Variants in SNTG1 observed in about 807,000 individuals in gnomAD.
SNTG1 encodes syntrophin gamma 1.
SNTG1 carries 39 observed loss-of-function variants against 74.7 expected under a neutral mutation model. The ratio of observed to expected loss-of-function variants is 0.52; its 90% CI spans 0.40 to 0.68. The LOEUF (loss-of-function observed/expected upper bound fraction) is 0.68. Among genes scored for constraint, SNTG1 ranks in the 30% least tolerant of loss-of-function variants. The probability of loss-of-function intolerance (pLI) is 0.00; values close to 1 mark genes in which losing one functional copy is unlikely to be tolerated. For synonymous variants in SNTG1, 254 were observed against 217.1 expected, an observed-to-expected ratio of 1.17 and a Z score of -1.49; for missense variants, 685 against 609.5, an observed-to-expected ratio of 1.12 and a Z score of -1.30.
chr8:50,159,057 G>A (rs180987908), intron 1 of SNTG1, among the ~76,000 whole-genome samples: 1 of 152,224 alleles, frequency 6.6e-6, no homozygotes, highest in East Asian at 1.9e-4. Flanking sequence ...CTGATAACTA[G>A]TGGGCGTTGA....
At chr8:50,256,413 A>G (rs1485054907) in intron 2 of SNTG1, among the ~76,000 whole-genome samples, 1 of 151,836 alleles carries the variant, frequency 6.6e-6, no homozygotes, top group Non-Finnish European at 1.5e-5. Context: ...AATATATTAA[A>G]TATTTAAGCC....
chr8:50,548,317 A>G (rs1363886116), intron 11 of SNTG1, among the ~76,000 whole-genome samples: 1 of 152,190 alleles, frequency 6.6e-6, no homozygotes, highest in African/African-American at 2.4e-5. Context: ...GATCCTGGAT[A>G]GATATATGAA....
intron 8 of SNTG1, among the ~76,000 whole-genome samples, chr8:50,498,789 G>T (rs1272104598): frequency 6.6e-6 from 1 of 151,754 alleles, no homozygotes; most frequent in African/African-American, 2.4e-5. Context: ...ATAGCTCAAA[G>T]CTCCTTTTCT....
At chr8:50,607,843 G>A (rs542056792) in intron 13 of SNTG1, among the ~76,000 whole-genome samples, 2 of 151,440 alleles carry the variant, frequency 1.3e-5, no homozygotes, top group African/African-American at 4.8e-5. Context: ...ATGTTTTAAA[G>A]GTATGAATTT....
At chr8:49,915,592 CTA>C (rs1284874136) in intron 1 of SNTG1, among the ~76,000 whole-genome samples, 5 of 152,156 alleles carry the variant, frequency 3.3e-5, no homozygotes, top group African/African-American at 1.2e-4. Flanking sequence ...TGACCTGAGT[CTA>C]TTTCAACAAC....
intron 18 of SNTG1, chr8:50,762,567 C>A: frequency 2.7e-6 from 1 of 369,796 alleles, no homozygotes; most frequent in Non-Finnish European, 5.3e-6. Context: ...ATTTTTGTTC[C>A]AAGGATGTGC....
intron 2 of SNTG1, among the ~76,000 whole-genome samples, chr8:50,299,936 C>G (rs2089572137): frequency 6.6e-6 from 1 of 152,076 alleles, no homozygotes; most frequent in African/African-American, 2.4e-5. Context: ...ATAGCAGTAT[C>G]TGATATAGGG....
chr8:50,667,384 T>C (rs1286949951), intron 15 of SNTG1, among the ~76,000 whole-genome samples: 1 of 152,060 alleles, frequency 6.6e-6, no homozygotes, highest in Non-Finnish European at 1.5e-5. Flanking sequence ...GAGTAGTTAA[T>C]AAGGAACAGA....
At chr8:50,668,429 A>ATTT in intron 15 of SNTG1, among the ~76,000 whole-genome samples, 1 of 150,928 alleles carries the variant, frequency 6.6e-6, no homozygotes, top group Non-Finnish European at 1.5e-5. Flanking sequence ...TTTTTTTCCA[A>ATTT]GGAGAGGTTT....
chr8:50,452,420 T>C (rs937723924), intron 8 of SNTG1, among the ~76,000 whole-genome samples: 10 of 152,226 alleles, frequency 6.6e-5, no homozygotes, highest in African/African-American at 2.4e-4. Context: ...ACTTGACTCT[T>C]TTTTCAAAAG....
chr8:50,136,052 C>T (rs2081464951), intron 1 of SNTG1, among the ~76,000 whole-genome samples: 1 of 152,146 alleles, frequency 6.6e-6, no homozygotes, highest in South Asian at 2.1e-4. Flanking sequence ...TGGCCTCCAG[C>T]TTCACCCATG....
intron 2 of SNTG1, among the ~76,000 whole-genome samples, chr8:50,222,568 G>A (rs2085122303): frequency 6.6e-6 from 1 of 152,256 alleles, no homozygotes; most frequent in Non-Finnish European, 1.5e-5. Flanking sequence ...CAGTGCTACA[G>A]AATACTAGAA....
chr8:50,565,172 T>C (rs1454856639), intron 12 of SNTG1, among the ~76,000 whole-genome samples: 1 of 151,822 alleles, frequency 6.6e-6, no homozygotes, highest in Non-Finnish European at 1.5e-5. Flanking sequence ...AGACTGACAA[T>C]GTCTTCAAAA....
At chr8:50,178,201 G>C (rs1054893409) in intron 2 of SNTG1, among the ~76,000 whole-genome samples, 4 of 152,116 alleles carry the variant, frequency 2.6e-5, no homozygotes, top group African/African-American at 9.7e-5. Flanking sequence ...TAGCATAACT[G>C]CTGCATCAAG....
At chr8:50,400,449 T>G (rs920670032) in intron 3 of SNTG1, among the ~76,000 whole-genome samples, 7 of 152,226 alleles carry the variant, frequency 4.6e-5, no homozygotes, top group Non-Finnish European at 8.8e-5. Context: ...TCTTGGCTGT[T>G]GTGAATAGTG....
rs143152266 is a variant in SNTG1 at position 50,015,262 on chromosome 8, A to G, written c.-103+103031A>G. On this transcript the variant is annotated intron_variant, in intron 1 of 18. Coordinates refer to ENST00000642720, the MANE Select transcript of SNTG1 (RefSeq NM_018967.5). ...GCAAAATATTTGGAATAAGAAATCCACCAGAGGATTTAAACAACAGATTTG... is the reference window on the plus strand; with the variant it reads ...GCAAAATATTTGGAATAAGAAATCCGCCAGAGGATTTAAACAACAGATTTG... Among the ~76,000 whole-genome samples the G allele has an allele frequency of 3.2e-4, 48 of 152,234 alleles. No individual in the cohort carries two copies. The East Asian group carries it at 9.3e-3, about 29-fold the overall frequency.
In SNTG1 at chr8:50,765,234, C is replaced by T. The variant is rs137970518; in HGVS notation, c.1395+13123C>T. On this transcript the variant is annotated intron_variant, in intron 18 of 18. Coordinates refer to ENST00000642720, the MANE Select transcript of SNTG1 (RefSeq NM_018967.5). ...TTTGCAGGCATGAGTGGGTATGGGG[C>T]CATGGCTTTTCTGTAGCATTTGGCT... Among the ~76,000 whole-genome samples, 387 of 152,134 alleles carry T rather than the reference C, an allele frequency of 2.5e-3. 2 individuals carry two copies. Among genetic ancestry groups the T allele is most frequent in the African/African-American group, 9.0e-3 (374 of 41,544 alleles).
At chr8:50,593,266 C>T (rs143155864) in intron 13 of SNTG1, among the ~76,000 whole-genome samples, 150 of 152,156 alleles carry the variant, frequency 9.9e-4, no homozygotes, top group Middle Eastern at 3.4e-3. Flanking sequence ...CTGAGACAAC[C>T]GCTAAGATTA....
chr8:50,656,761 A>G (rs1262124644), intron 13 of SNTG1, 148 bp from the exon 14 acceptor site: 4 of 559,632 alleles, frequency 7.1e-6, no homozygotes, highest in Non-Finnish European at 1.2e-5. Context: ...ACTTTTTTGC[A>G]TCAATCAATT....
Sources: allele counts gnomAD v4.1 joint callset (sites outside exome capture counted in the v4.1 genomes callset), GRCh38; gene constraint gnomAD v4.1.1; transcripts MANE v1.5; gene names NCBI Gene and HGNC (gene_info 2026-07-23, HGNC 2026-07-21).